Variants in GPR21 observed in about 807,000 individuals in gnomAD.
The protein encoded by GPR21 is probable G protein-coupled receptor 21.
In GPR21, 9 loss-of-function variants were observed where a neutral mutation model predicts 21.5. The ratio of observed to expected loss-of-function variants is 0.42; its 90% confidence interval spans 0.25 to 0.73. GPR21 has a LOEUF of 0.73. Among genes scored for constraint, GPR21 ranks in the 30% least tolerant of loss-of-function variants. The probability of loss-of-function intolerance (pLI) is 0.27; values close to 1 mark genes in which losing one functional copy is unlikely to be tolerated. For synonymous variants in GPR21, 169 were observed against 159.3 expected (o/e 1.06, Z -0.46); for missense variants, 416 against 428.9 (o/e 0.97, Z 0.27).
the GPR21 span, among the ~76,000 whole-genome samples, chr9:123,048,466 A>G: frequency 6.6e-6 from 1 of 152,222 alleles, no homozygotes; most frequent in Non-Finnish European, 1.5e-5. Context: ...TGTTATTAGT[A>G]GGTGATTTTG....
the GPR21 span, among the ~76,000 whole-genome samples, chr9:123,045,965 A>G: frequency 5.9e-4 from 90 of 152,308 alleles, 1 homozygote; most frequent in Admixed American, 4.6e-4. Flanking sequence ...GATTCTTCCA[A>G]TGACTTCCAG....
At chr9:123,046,025 G>A in the GPR21 span, among the ~76,000 whole-genome samples, 1 of 152,222 alleles carries the variant, frequency 6.6e-6, no homozygotes, top group African/African-American at 2.4e-5. Context: ...GGGTGAATGT[G>A]GAGTGGCCTG....
the GPR21 span, among the ~76,000 whole-genome samples, chr9:123,048,771 A>G: frequency 1.3e-5 from 2 of 152,238 alleles, no homozygotes; most frequent in Admixed American, 6.5e-5. Context: ...CACTTTTGTC[A>G]GGTAACAGTA....
Position 123,035,653 on chromosome 9 carries a change from TGTGTGTGTG to T in GPR21, c.*38_*46del. 2.7e-6 allele frequency: 1 copy of T among 373,426 alleles called. No homozygotes were observed. The highest frequency in any genetic ancestry group is 4.4e-6 in the Non-Finnish European group (1 of 228,656). 23.1% of individuals were successfully genotyped at this position (373,426 alleles called of 1,614,324 possible). ...TACGGGGTTCCCGTGTGTGTGTGTGTGTGTGTGTGTGTGTGTGTGTGTGTGTGTGTATTT... is the reference window on the plus strand; with the variant it reads ...TACGGGGTTCCCGTGTGTGTGTGTGTTGTGTGTGTGTGTGTGTGTGTATTT... On this transcript the variant is annotated 3_prime_UTR_variant, in exon 2 of 2. Transcript: ENST00000616002.
the GPR21 span, among the ~76,000 whole-genome samples, chr9:123,044,645 G>GTT: frequency 6.6e-6 from 1 of 152,002 alleles, no homozygotes; most frequent in African/African-American, 2.4e-5. Context: ...GTGTGTGTGT[G>GTT]TGTGTGTGTA....
chr9:123,038,341 C>G (rs2032778030), downstream of GPR21, among the ~76,000 whole-genome samples: 1 of 152,010 alleles, frequency 6.6e-6, no homozygotes, highest in Non-Finnish European at 1.5e-5. Flanking sequence ...ATAATGGTCT[C>G]AGTATTTTAA....
the GPR21 span, among the ~76,000 whole-genome samples, chr9:123,043,118 A>G: frequency 1.3e-5 from 2 of 152,196 alleles, no homozygotes; most frequent in Non-Finnish European, 2.9e-5. Flanking sequence ...GAGGTCTGCA[A>G]AATCACAAAA....
downstream of GPR21, among the ~76,000 whole-genome samples, chr9:123,035,986 A>G (rs1300545815): frequency 6.6e-6 from 1 of 152,214 alleles, no homozygotes; most frequent in Non-Finnish European, 1.5e-5. Context: ...TTAAAAAGTC[A>G]TCACTTTCTT....
At chr9:123,047,611 T>C in the GPR21 span, among the ~76,000 whole-genome samples, 2 of 152,164 alleles carry the variant, frequency 1.3e-5, no homozygotes, top group Admixed American at 6.5e-5. Flanking sequence ...TTGATACTTA[T>C]TAAGATTCTT....
downstream of GPR21, among the ~76,000 whole-genome samples, chr9:123,038,643 T>G (rs545396738): frequency 2.6e-4 from 39 of 152,244 alleles, no homozygotes; most frequent in Middle Eastern, 3.4e-3. Context: ...ATGGGAAAAC[T>G]GTGGCATTGA....
chr9:123,037,595 TG>T (rs1257337778), downstream of GPR21, among the ~76,000 whole-genome samples: 1 of 152,206 alleles, frequency 6.6e-6, no homozygotes, highest in African/African-American at 2.4e-5. Flanking sequence ...TTTTCATACA[TG>T]TTAGAGAATG....
chr9:123,046,176 G>A, the GPR21 span, among the ~76,000 whole-genome samples: 8 of 152,046 alleles, frequency 5.3e-5, no homozygotes, highest in African/African-American at 9.7e-5. Flanking sequence ...TACAAATCTC[G>A]GACATTAGGA....
chr9:123,033,952 G>C (rs2032456583), intron 1 of GPR21, among the ~76,000 whole-genome samples: 1 of 152,156 alleles, frequency 6.6e-6, no homozygotes. Context: ...TAATCTGACT[G>C]TGATTGGTTT....
chr9:123,043,939 C>A, the GPR21 span, among the ~76,000 whole-genome samples: 1 of 140,906 alleles, frequency 7.1e-6, no homozygotes, highest in African/African-American at 2.7e-5. Flanking sequence ...CTCACTCAGT[C>A]ACCCAGGCTG....
In GPR21 at chr9:123,035,211, C is replaced by G. The variant is rs769300143; in HGVS notation, c.645C>G (p.Phe215Leu). 1 of 1,614,180 alleles carries G rather than the reference C, an allele frequency of 6.2e-7. No individual in the cohort carries two copies. Among genetic ancestry groups the G allele is most frequent in the East Asian group, 2.2e-5 (1 of 44,892 alleles). Residue 215 changes from phenylalanine to leucine, a missense_variant, in exon 2 of 2, where the codon TTC (phenylalanine) becomes TTG (leucine). Phe to Leu is a conservative substitution (Grantham distance 22). Transcript: ENST00000616002. ...TCTGCTTCACCTATTTCAACATCTT[C>G]CGCATCTGCCAACAGCACACAAAGG... ...LIVCFTYFNI[F>L]RICQQHTKDI...
chr9:123,034,515 T>C lies in GPR21; in HGVS notation c.-52T>C. 3 of 1,168,630 alleles carry C rather than the reference T, an allele frequency of 2.6e-6. No individual in the cohort carries two copies. Among genetic ancestry groups the C allele is most frequent in the Non-Finnish European group, 3.7e-6 (3 of 810,364 alleles). The allele number at this position is 1,168,630 out of a possible 1,614,324, so 72.4% of individuals were successfully genotyped here. ...TGACAGCAGCTGCTTCTTTGAACTGTTGGCAGCAGCCAAGCGGCAGCATGA... is the reference window on the plus strand; with the variant it reads ...TGACAGCAGCTGCTTCTTTGAACTGCTGGCAGCAGCCAAGCGGCAGCATGA... On this transcript the variant is annotated 5_prime_UTR_variant, in exon 2 of 2. Coordinates refer to ENST00000616002, the MANE Select transcript of GPR21 (RefSeq NM_005294.3).
At chr9:123,036,117 A>C (rs2032644795), downstream of GPR21, among the ~76,000 whole-genome samples, 1 of 152,264 alleles carries the variant, frequency 6.6e-6, no homozygotes, top group African/African-American at 2.4e-5. Context: ...CCAAAGCATA[A>C]CTACACTGCA....
the GPR21 span, among the ~76,000 whole-genome samples, chr9:123,040,727 T>C: frequency 6.6e-6 from 1 of 152,210 alleles, no homozygotes; most frequent in Non-Finnish European, 1.5e-5. Context: ...CCGCTCATCT[T>C]AGTTTTCATG....
At chr9:123,036,539 A>C (rs1433947837), downstream of GPR21, among the ~76,000 whole-genome samples, 2 of 152,214 alleles carry the variant, frequency 1.3e-5, no homozygotes, top group Non-Finnish European at 2.9e-5. Flanking sequence ...TTCTATTCAA[A>C]GACTTCTGAA....
Sources: allele counts gnomAD v4.1 joint callset (sites outside exome capture counted in the v4.1 genomes callset), GRCh38; gene constraint gnomAD v4.1.1; transcripts MANE v1.5; gene names NCBI Gene and HGNC (gene_info 2026-07-23, HGNC 2026-07-21).